Variants in L3MBTL4 observed in about 807,000 individuals in gnomAD.
The protein encoded by L3MBTL4 is lethal(3)malignant brain tumor-like protein 4.
L3MBTL4 carries 70 observed loss-of-function variants against 84.5 expected under a neutral mutation model. That is an observed-to-expected ratio of 0.83 (90% CI 0.68 to 1.01). The LOEUF (loss-of-function observed/expected upper bound fraction) is 1.01, where lower values mean the gene tolerates loss of function less well. L3MBTL4 is among the 50% of genes least tolerant of loss of function. The probability of loss-of-function intolerance (pLI) is 0.00; values close to 1 mark genes in which losing one functional copy is unlikely to be tolerated. For synonymous variants in L3MBTL4, 274 were observed against 259.8 expected, an observed-to-expected ratio of 1.05 and a Z score of -0.52; for missense variants, 715 against 754.8, an observed-to-expected ratio of 0.95 and a Z score of 0.62.
intron 10 of L3MBTL4, among the ~76,000 whole-genome samples, chr18:6,230,271 T>C (rs1008821809): frequency 6.6e-6 from 1 of 152,010 alleles, no homozygotes; most frequent in African/African-American, 2.4e-5. Context: ...TCTCTTGTTG[T>C]TTTATTTCTG....
At chr18:6,007,839 G>C (rs2054560382) in intron 16 of L3MBTL4, among the ~76,000 whole-genome samples, 1 of 152,088 alleles carries the variant, frequency 6.6e-6, no homozygotes, top group Non-Finnish European at 1.5e-5. Context: ...AGGATATACT[G>C]TTATGTGAAA....
intron 4 of L3MBTL4, among the ~76,000 whole-genome samples, chr18:6,297,869 A>C (rs145925437): frequency 1.4e-3 from 212 of 152,264 alleles, no homozygotes; most frequent in Middle Eastern, 0.01. Context: ...GTGTAATTTA[A>C]ATTTCTTCAA....
At chr18:6,410,897 G>A (rs957188524) in intron 1 of L3MBTL4, among the ~76,000 whole-genome samples, 1 of 152,164 alleles carries the variant, frequency 6.6e-6, no homozygotes, top group Non-Finnish European at 1.5e-5. Context: ...ACAAAATGAA[G>A]AAGGTTCACC....
chr18:6,204,547 T>C (rs1306034708), intron 12 of L3MBTL4, among the ~76,000 whole-genome samples: 1 of 152,254 alleles, frequency 6.6e-6, no homozygotes, highest in Non-Finnish European at 1.5e-5. Flanking sequence ...CATGCATGTA[T>C]ACATAGATAC....
chr18:6,381,301 T>C (rs1043223798), intron 1 of L3MBTL4, among the ~76,000 whole-genome samples: 2 of 152,236 alleles, frequency 1.3e-5, no homozygotes, highest in African/African-American at 2.4e-5. Context: ...CCAGCCTGTG[T>C]CTTTTAATTG....
chr18:6,265,384 C>G (rs74786104), intron 4 of L3MBTL4, among the ~76,000 whole-genome samples: 6,798 of 152,200 alleles, frequency 0.045, 491 homozygotes, highest in African/African-American at 0.15. Flanking sequence ...CCCAGTACTT[C>G]TTCTCTAGGA....
At chr18:6,142,165 A>G (rs1438338827) in intron 13 of L3MBTL4, among the ~76,000 whole-genome samples, 1 of 152,218 alleles carries the variant, frequency 6.6e-6, no homozygotes, top group Non-Finnish European at 1.5e-5. Context: ...GTAAATAATT[A>G]TTTGTTTAAT....
chr18:6,285,147 C>T (rs1786328496), intron 4 of L3MBTL4, among the ~76,000 whole-genome samples: 2 of 152,202 alleles, frequency 1.3e-5, no homozygotes, highest in African/African-American at 2.4e-5. Context: ...CCTCTGCCAG[C>T]TCTTGGAGCA....
At chr18:6,328,850 C>A (rs1470126522) in intron 1 of L3MBTL4, among the ~76,000 whole-genome samples, 1 of 152,184 alleles carries the variant, frequency 6.6e-6, no homozygotes, top group Non-Finnish European at 1.5e-5. Context: ...CAAATCACAG[C>A]CTCATGAAGC....
At chr18:5,991,007 C>G (rs567128819) in intron 16 of L3MBTL4, among the ~76,000 whole-genome samples, 1 of 152,172 alleles carries the variant, frequency 6.6e-6, no homozygotes, top group Non-Finnish European at 1.5e-5. Flanking sequence ...CACCTTGTTT[C>G]CGTGTCCTGA....
intron 1 of L3MBTL4, among the ~76,000 whole-genome samples, chr18:6,346,959 A>T (rs935968371): frequency 1.3e-5 from 2 of 152,166 alleles, no homozygotes; most frequent in Non-Finnish European, 2.9e-5. Flanking sequence ...GATAAAGAAA[A>T]TGTGGTACAC....
At chr18:6,243,822 A>G (rs112806717) in intron 6 of L3MBTL4, among the ~76,000 whole-genome samples, 2,922 of 152,344 alleles carry the variant, frequency 0.019, 95 homozygotes, top group African/African-American at 0.066. Context: ...ACAAAGCACA[A>G]CTAAAATAAG....
At chr18:6,173,208 T>C (rs1284874849) in intron 12 of L3MBTL4, among the ~76,000 whole-genome samples, 1 of 152,076 alleles carries the variant, frequency 6.6e-6, no homozygotes, top group African/African-American at 2.4e-5. Context: ...CATGACAGAG[T>C]GCCCTTTCAT....
intron 16 of L3MBTL4, among the ~76,000 whole-genome samples, chr18:6,063,266 C>T (rs1399757186): frequency 6.6e-6 from 1 of 150,612 alleles, no homozygotes; most frequent in Non-Finnish European, 1.5e-5. Flanking sequence ...AGTACTATAT[C>T]TTTGCAACTG....
intron 1 of L3MBTL4, among the ~76,000 whole-genome samples, chr18:6,372,439 A>G (rs1459692217): frequency 2.0e-5 from 3 of 152,252 alleles, no homozygotes; most frequent in Non-Finnish European, 4.4e-5. Flanking sequence ...CTTATTTGTA[A>G]CAGTGTCTTA....
At chr18:6,170,825 C>T (rs982283135) in intron 13 of L3MBTL4, among the ~76,000 whole-genome samples, 1 of 152,052 alleles carries the variant, frequency 6.6e-6, no homozygotes, top group African/African-American at 2.4e-5. Flanking sequence ...CCAGAGGAAA[C>T]CACAAAGCAC....
intron 12 of L3MBTL4, among the ~76,000 whole-genome samples, chr18:6,182,429 T>C (rs1225522078): frequency 6.6e-6 from 1 of 152,228 alleles, no homozygotes; most frequent in Admixed American, 6.5e-5. Flanking sequence ...GTTGATGCGT[T>C]TCTGGATATC....
At chr18:5,977,333 A>C (rs1437086757) in intron 16 of L3MBTL4, among the ~76,000 whole-genome samples, 1 of 151,868 alleles carries the variant, frequency 6.6e-6, no homozygotes, top group East Asian at 1.9e-4. Context: ...AGAGTCTTCC[A>C]CTCACCTCTG....
At chr18:6,168,912 T>C (rs1177418151) in intron 13 of L3MBTL4, among the ~76,000 whole-genome samples, 1 of 151,706 alleles carries the variant, frequency 6.6e-6, no homozygotes, top group Admixed American at 6.6e-5. Flanking sequence ...TGGGAGAAAA[T>C]TTTTGCAACC....
Sources: allele counts gnomAD v4.1 joint callset (sites outside exome capture counted in the v4.1 genomes callset), GRCh38; gene constraint gnomAD v4.1.1; transcripts MANE v1.5; gene names NCBI Gene and HGNC (gene_info 2026-07-23, HGNC 2026-07-21).